Variants in HDLBP observed in about 807,000 individuals in gnomAD.
The protein encoded by HDLBP is vigilin.
In HDLBP, 30 loss-of-function variants were observed where a neutral mutation model predicts 137.3. The ratio of observed to expected loss-of-function variants is 0.22; its 90% CI spans 0.16 to 0.30. The LOEUF is 0.30. Among genes scored for constraint, HDLBP ranks in the 10% least tolerant of loss-of-function variants. The probability of loss-of-function intolerance (pLI) is 1.00; values close to 1 mark genes in which losing one functional copy is unlikely to be tolerated. For synonymous variants in HDLBP, 606 were observed against 596.0 expected (o/e 1.02, Z -0.24); for missense variants, 1,119 against 1,667.3 (o/e 0.67, Z 5.73).
chr2:241,248,153 A>C (rs2149444754), intron 13 of HDLBP, 37 bp from the exon 14 acceptor site: 2 of 1,571,726 alleles, frequency 1.3e-6, no homozygotes, highest in East Asian at 4.5e-5. Flanking sequence ...TTCAAGTATG[A>C]GGAAGGACAT....
At chr2:241,242,755 T>C in intron 16 of HDLBP, 77 bp from the exon 17 acceptor site, 2 of 1,252,230 alleles carry the variant, frequency 1.6e-6, no homozygotes, top group Non-Finnish European at 2.3e-6. Flanking sequence ...TAAACTATCA[T>C]CTTTGGTGGT....
chr2:241,233,691 CCT>C lies in HDLBP; in HGVS notation c.3288+127_3288+128del. On this transcript the variant is annotated intron_variant, in intron 24 of 27. Transcript: ENST00000310931. The surrounding 1 kb of genome is among the most constrained non-coding windows in gnomAD (Gnocchi z 4.3). ...CCCAAACCTCAAGCCAGAATTAGGTCCTGAGAGACTTGCCACTCTCAACTTGG... is the reference window on the plus strand; with the variant it reads ...CCCAAACCTCAAGCCAGAATTAGGTCGAGAGACTTGCCACTCTCAACTTGG... The C allele has an allele frequency of 1.0e-6, 1 of 964,988 alleles. No homozygotes were observed. Among genetic ancestry groups the C allele is most frequent in the Non-Finnish European group, 1.6e-6 (1 of 633,624 alleles). 59.8% of individuals were successfully genotyped at this position (964,988 alleles called of 1,614,324 possible).
intron 1 of HDLBP, among the ~76,000 whole-genome samples, chr2:241,308,679 A>G (rs2075662599): frequency 6.6e-6 from 1 of 152,222 alleles, no homozygotes; most frequent in South Asian, 2.1e-4. Flanking sequence ...AGGTTAGGGA[A>G]GCAGTGAAGT....
At position 241,228,807 on chromosome 2, in the gene HDLBP, CG is replaced by C. The variant is rs903738081; in HGVS notation, c.*793del. ...GCAAACTGCCCCCACTGAGGACAAG[CG>C]TAAGGCCCTACCTCCCCCAACCTGT... On this transcript the variant is annotated 3_prime_UTR_variant, in exon 28 of 28. Transcript: ENST00000310931. 1.3e-5 allele frequency: 2 copies of C among 152,838 alleles called. No individual in the cohort carries two copies. The highest frequency in any genetic ancestry group is 4.8e-5 in the African/African-American group (2 of 41,426). 9.5% of individuals were successfully genotyped at this position (152,838 alleles called of 1,614,324 possible).
rs111731294 is a variant in HDLBP, at chr2:241,239,336, C to CCT, written c.2610+264_2610+265dup. ...TTTCTTTCTTTCTCTTGCTTTCTTT[C>CCT]CTCTCTCTCTCTCCCCTCTCCTCTT... is the stretch of plus-strand genomic sequence containing the variant. On this transcript the variant is annotated intron_variant, in intron 19 of 27. Coordinates refer to ENST00000310931, the MANE Select transcript of HDLBP (RefSeq NM_005336.6). The surrounding 1 kb of genome is among the most constrained non-coding windows in gnomAD (Gnocchi z 4.6). 2.6e-5 allele frequency among the ~76,000 whole-genome samples: 4 copies of CCT among 151,570 alleles called. No individual in the cohort carries two copies. The highest frequency in any genetic ancestry group is 9.7e-5 in the African/African-American group (4 of 41,254).
At chr2:241,236,985 G>T (rs74460469) in intron 20 of HDLBP, among the ~76,000 whole-genome samples, 21 of 148,152 alleles carry the variant, frequency 1.4e-4, no homozygotes, top group Admixed American at 6.5e-4. Context: ...CTTGGGGGGG[G>T]GGGGGGGGGC....
chr2:241,231,766 C>T (rs1226273448), intron 24 of HDLBP, among the ~76,000 whole-genome samples: 1 of 152,060 alleles, frequency 6.6e-6, no homozygotes, highest in Non-Finnish European at 1.5e-5. Context: ...AGCAGACAAG[C>T]AGACCAAGCA....
chr2:241,292,284 AAC>A (rs1361435124), intron 1 of HDLBP, among the ~76,000 whole-genome samples: 3 of 152,068 alleles, frequency 2.0e-5, no homozygotes, highest in African/African-American at 7.2e-5. Flanking sequence ...ATAGTGCCAC[AAC>A]ACAGTCAACC....
chr2:241,250,140 AGAAT>A (rs1559501824), intron 11 of HDLBP, 160 bp from the exon 12 acceptor site: 2 of 658,900 alleles, frequency 3.0e-6, no homozygotes, highest in Non-Finnish European at 5.0e-6. Flanking sequence ...TCCATTGTCT[AGAAT>A]GGGGGCCAGT....
At chr2:241,273,056 G>C (rs951915577) in intron 1 of HDLBP, 26 of 985,374 alleles carry the variant, frequency 2.6e-5, no homozygotes, top group Non-Finnish European at 3.0e-5. Context: ...CAGAGGGAGC[G>C]CGCCCCGCAA....
rs1201197137 is a variant in HDLBP, at chr2:241,228,716, AGCAGCTAGGGCAGGG to A, written c.*870_*884del. The A allele has an allele frequency of 6.5e-5, 10 of 153,020 alleles. No individual in the cohort carries two copies. The allele number at this position is 153,020 out of a possible 1,614,324, so 9.5% of individuals were successfully genotyped here. A position where few individuals can be genotyped will look rare whatever the true frequency, so the allele number is the denominator to read the frequency against. On this transcript the variant is annotated 3_prime_UTR_variant, in exon 28 of 28. Coordinates refer to ENST00000310931, the MANE Select transcript of HDLBP (RefSeq NM_005336.6). The stretch of plus-strand genomic sequence containing the variant: ...GTAGAAAGAAGGCAACTGAACACAC[AGCAGCTAGGGCAGGG>A]GCAGGGAGGGGCTGCAGGTGGTGTG...
chr2:241,229,534 T>G lies in HDLBP; in HGVS notation c.*67A>C. 3 of 1,199,764 alleles carry G rather than the reference T, an allele frequency of 2.5e-6. No homozygotes were observed. Among genetic ancestry groups the G allele is most frequent in the Non-Finnish European group, 3.7e-6 (3 of 815,298 alleles). 74.3% of individuals were successfully genotyped at this position (1,199,764 alleles called of 1,614,324 possible). ...GGAGGGTCCAGCCGCTGGGTCAGATTGAGACAAACCATTGTGTGGTTGGGT... is the reference window on the plus strand; with the variant it reads ...GGAGGGTCCAGCCGCTGGGTCAGATGGAGACAAACCATTGTGTGGTTGGGT... On this transcript the variant is annotated 3_prime_UTR_variant, in exon 28 of 28. Coordinates refer to ENST00000310931, the MANE Select transcript of HDLBP (RefSeq NM_005336.6).
chr2:241,282,592 G>C (rs889607063), intron 1 of HDLBP, among the ~76,000 whole-genome samples: 2 of 152,206 alleles, frequency 1.3e-5, no homozygotes, highest in African/African-American at 2.4e-5. Flanking sequence ...CAACTCTGCA[G>C]GTCTTTCCAT....
At chr2:241,268,409 G>A (rs1390207792) in intron 2 of HDLBP, 68 bp downstream of exon 2, 14 of 932,942 alleles carry the variant, frequency 1.5e-5, no homozygotes, top group East Asian at 2.3e-4. Context: ...AAGAAAATAC[G>A]CATCCCTGCG....
At chr2:241,231,024 G>A in intron 24 of HDLBP, 80 bp from the exon 25 acceptor site, 3 of 1,214,978 alleles carry the variant, frequency 2.5e-6, no homozygotes, top group Non-Finnish European at 3.6e-6. Context: ...CCCCACTGCT[G>A]AGGAAAACAG....
At chr2:241,250,143 A>C in intron 11 of HDLBP, 163 bp from the exon 12 acceptor site, 2 of 638,530 alleles carry the variant, frequency 3.1e-6, no homozygotes, top group Non-Finnish European at 2.6e-6. Context: ...ATTGTCTAGA[A>C]TGGGGGCCAG....
intron 1 of HDLBP, among the ~76,000 whole-genome samples, chr2:241,276,986 T>TAAAAAAAAAAAAAAAAAAAAAAAAAAAA (rs757786857): frequency 7.7e-6 from 1 of 129,870 alleles, no homozygotes; most frequent in African/African-American, 2.8e-5. Flanking sequence ...GGCCAGGAGC[T>TAAAAAAAAAAAAAAAAAAAAAAAAAAAA]AAAAAAAAAA....
chr2:241,258,263 C>T (rs1431567267), intron 5 of HDLBP, among the ~76,000 whole-genome samples: 5 of 139,806 alleles, frequency 3.6e-5, no homozygotes, highest in African/African-American at 1.1e-4. Context: ...AGGCGAATGG[C>T]GTGAACCCGG....
At chr2:241,275,282 A>AG (rs1553652253) in intron 1 of HDLBP, among the ~76,000 whole-genome samples, 1 of 152,346 alleles carries the variant, frequency 6.6e-6, no homozygotes, top group Non-Finnish European at 1.5e-5. Context: ...AAGCTCAAAA[A>AG]GAAGGAAGGA....
Sources: gnomAD v4.1 joint callset for allele counts (sites outside exome capture counted in the v4.1 genomes callset) on GRCh38, gnomAD v4.1.1 for gene constraint, Gnocchi (gnomAD v3.1) non-coding constraint, MANE v1.5 for transcripts, NCBI Gene and HGNC (gene_info 2026-07-23, HGNC 2026-07-21) for gene names.